SMG7: variants seen among roughly 807,000 people sequenced by gnomAD.
The protein encoded by SMG7 is nonsense-mediated mRNA decay factor SMG7.
SMG7 carries 34 observed loss-of-function variants against 148.2 expected under a neutral mutation model. The ratio of observed to expected loss-of-function variants is 0.23; its 90% CI spans 0.17 to 0.31. The LOEUF (loss-of-function observed/expected upper bound fraction) is 0.31. Ranked by LOEUF, SMG7 falls within the 10% of genes least tolerant of loss-of-function variation. The probability of loss-of-function intolerance (pLI) is 1.00; values close to 1 mark genes in which losing one functional copy is unlikely to be tolerated. For synonymous variants in SMG7, 492 were observed against 515.1 expected, an observed-to-expected ratio of 0.96 and a Z score of 0.61; for missense variants, 1,114 against 1,408.4, an observed-to-expected ratio of 0.79 and a Z score of 3.35.
intron 1 of SMG7, among the ~76,000 whole-genome samples, chr1:183,486,792 G>A (rs1655541968): frequency 1.3e-5 from 2 of 151,668 alleles, no homozygotes; most frequent in Admixed American, 6.6e-5. Flanking sequence ...CTACCTCCCA[G>A]GCTCAAATGA....
At chr1:183,544,298 C>T (rs1228664909) in intron 14 of SMG7, 55 bp from the exon 15 acceptor site, 9 of 1,465,876 alleles carry the variant, frequency 6.1e-6, no homozygotes, top group Non-Finnish European at 6.7e-6. Flanking sequence ...GGTCTTCTTT[C>T]TAGCACATTT....
intron 1 of SMG7, among the ~76,000 whole-genome samples, chr1:183,473,550 G>C (rs1344203576): frequency 6.6e-6 from 1 of 152,140 alleles, no homozygotes. Context: ...ACCAGCTTTT[G>C]TGTCAGCTGA....
chr1:183,537,327 A>G (rs1667970493), intron 11 of SMG7, 112 bp downstream of exon 11: 3 of 760,360 alleles, frequency 3.9e-6, no homozygotes, highest in South Asian at 1.6e-5. Flanking sequence ...TAAATTCAGT[A>G]TCTCAGAAGT....
chr1:183,548,047 C>T (rs540913104), intron 18 of SMG7, among the ~76,000 whole-genome samples: 1 of 152,234 alleles, frequency 6.6e-6, no homozygotes, highest in Admixed American at 6.5e-5. Context: ...TACTTTCTTG[C>T]TGTTTCTTTC....
Position 183,537,225 on chromosome 1 carries a change from A to G in SMG7, c.1234+10A>G. 1 of 1,585,230 alleles carries G rather than the reference A, an allele frequency of 6.3e-7. No homozygotes were observed. The highest frequency in any genetic ancestry group is 8.7e-7 in the Non-Finnish European group (1 of 1,153,894). On this transcript the variant is annotated intron_variant, in intron 11 of 22. Coordinates refer to ENST00000688051, the MANE Select transcript of SMG7 (RefSeq NM_001375584.1). ...CTCTCAAGTATTAGTGGTAAGGGCT[A>G]CCCTAACCTTGTGTTGTTGATGTGG...
At chr1:183,522,083 C>A (rs1046850027) in intron 4 of SMG7, among the ~76,000 whole-genome samples, 1 of 152,014 alleles carries the variant, frequency 6.6e-6, no homozygotes, top group African/African-American at 2.4e-5. Flanking sequence ...AAAGCAAATA[C>A]AATTATCAGT....
At chr1:183,543,019 T>G (rs1669212394) in intron 14 of SMG7, among the ~76,000 whole-genome samples, 1 of 151,682 alleles carries the variant, frequency 6.6e-6, no homozygotes, top group African/African-American at 2.4e-5. Context: ...CAATTATACT[T>G]GTCCCGGCTA....
intron 1 of SMG7, among the ~76,000 whole-genome samples, chr1:183,506,875 CTTTTT>C (rs71130622): frequency 2.7e-5 from 3 of 111,826 alleles, no homozygotes; most frequent in South Asian, 3.0e-4. Context: ...ACTATATATT[CTTTTT>C]TTTTTTTTTT....
intron 1 of SMG7, among the ~76,000 whole-genome samples, chr1:183,510,449 G>A (rs1360220238): frequency 6.6e-6 from 1 of 152,014 alleles, no homozygotes; most frequent in Non-Finnish European, 1.5e-5. Flanking sequence ...AGTGAAGAGT[G>A]AAGTCAGGCT....
rs1477657389 is a variant in SMG7, at chr1:183,551,994, T to C, written c.*63T>C. ...CCATGGCATGTTGGGTTTGCAGGACTGGCCCACACAGTCCCCTGCAGGTGG... is the reference window on the plus strand; with the variant it reads ...CCATGGCATGTTGGGTTTGCAGGACCGGCCCACACAGTCCCCTGCAGGTGG... On this transcript the variant is annotated 3_prime_UTR_variant, in exon 23 of 23. Coordinates refer to ENST00000688051, the MANE Select transcript of SMG7 (RefSeq NM_001375584.1). 1 of 1,555,772 alleles carries C rather than the reference T, an allele frequency of 6.4e-7. No individual in the cohort carries two copies. Among genetic ancestry groups the C allele is most frequent in the Non-Finnish European group, 8.7e-7 (1 of 1,144,756 alleles).
intron 17 of SMG7, 35 bp from the exon 18 acceptor site, chr1:183,547,068 T>A (rs1188854025): frequency 6.5e-7 from 1 of 1,538,628 alleles, no homozygotes; most frequent in Admixed American, 2.1e-5. Flanking sequence ...TTGTTATCCC[T>A]TATTGCTTCT....
At chr1:183,501,060 AGAATT>A (rs2102312212) in intron 1 of SMG7, 1 of 152,312 alleles carries the variant, frequency 6.6e-6, no homozygotes, top group African/African-American at 2.4e-5. Flanking sequence ...GTTCTATTCT[AGAATT>A]GATTAGTGTG....
intron 1 of SMG7, among the ~76,000 whole-genome samples, chr1:183,507,405 G>T (rs1003302488): frequency 6.6e-6 from 1 of 151,668 alleles, no homozygotes; most frequent in Non-Finnish European, 1.5e-5. Flanking sequence ...TTATACTCTT[G>T]TGTAAGAGAG....
intron 1 of SMG7, among the ~76,000 whole-genome samples, chr1:183,489,230 C>T (rs963273590): frequency 6.6e-6 from 1 of 151,990 alleles, no homozygotes; most frequent in African/African-American, 2.4e-5. Context: ...GTGCTAAGTA[C>T]TGTGTTAAAT....
chr1:183,504,830 T>G (rs1173075266), intron 1 of SMG7, among the ~76,000 whole-genome samples: 2 of 152,058 alleles, frequency 1.3e-5, no homozygotes, highest in Non-Finnish European at 2.9e-5. Context: ...AGCTGTAAAT[T>G]CTCTTGACGT....
chr1:183,548,587 C>T (rs572906855), intron 18 of SMG7, among the ~76,000 whole-genome samples: 1 of 152,168 alleles, frequency 6.6e-6, no homozygotes, highest in African/African-American at 2.4e-5. Flanking sequence ...CAACGTATGT[C>T]AAAGTGCTTC....
At chr1:183,510,349 T>C (rs1417989103) in intron 1 of SMG7, among the ~76,000 whole-genome samples, 2 of 152,164 alleles carry the variant, frequency 1.3e-5, no homozygotes, top group Non-Finnish European at 2.9e-5. Context: ...TGGTATGCTT[T>C]ATTAAATTGT....
chr1:183,551,717 T>G, intron 22 of SMG7, 101 bp from the exon 23 acceptor site: 7 of 804,858 alleles, frequency 8.7e-6, no homozygotes, highest in Non-Finnish European at 1.1e-5. Flanking sequence ...GGTTGGGTTT[T>G]GGGGCCATAT....
At chr1:183,520,577 A>G (rs1664537922) in intron 4 of SMG7, among the ~76,000 whole-genome samples, 1 of 152,154 alleles carries the variant, frequency 6.6e-6, no homozygotes, top group Non-Finnish European at 1.5e-5. Context: ...TAGGGGGAGT[A>G]GGAAGGAGGT....
Sources: allele counts gnomAD v4.1 joint callset (sites outside exome capture counted in the v4.1 genomes callset), GRCh38; gene constraint gnomAD v4.1.1; transcripts MANE v1.5; gene names NCBI Gene and HGNC (gene_info 2026-07-23, HGNC 2026-07-21).